The following ZBTB20 variants were observed in gnomAD, a reference collection of about 807,000 sequenced individuals.
ZBTB20 encodes the protein zinc finger and BTB domain-containing protein 20.
ZBTB20 carries 9 observed loss-of-function variants against 56.9 expected under a neutral mutation model. The observed-to-expected ratio is 0.16, with a 90% CI of 0.10 to 0.28. The LOEUF (loss-of-function observed/expected upper bound fraction) is 0.28, where lower values mean the gene tolerates loss of function less well. Among genes scored for constraint, ZBTB20 ranks in the 10% least tolerant of loss-of-function variants. The pLI, the probability that ZBTB20 is intolerant of heterozygous loss-of-function variation, is 1.00. For synonymous variants in ZBTB20, 417 were observed against 420.7 expected (o/e 0.99, Z 0.11); for missense variants, 655 against 1,003.0 (o/e 0.65, Z 4.69).
intron 10 of ZBTB20, among the ~76,000 whole-genome samples, chr3:114,365,003 C>G (rs1006205397): frequency 7.2e-5 from 11 of 152,180 alleles, no homozygotes; most frequent in Non-Finnish European, 1.3e-4. Context: ...CTAAGACACA[C>G]TGGTGTTTTG....
At chr3:114,438,369 C>T (rs1221790858) in intron 7 of ZBTB20, among the ~76,000 whole-genome samples, 1 of 150,570 alleles carries the variant, frequency 6.6e-6, no homozygotes, top group African/African-American at 2.4e-5. Flanking sequence ...AGGCCAAAGC[C>T]CTCACTACTA....
intron 5 of ZBTB20, among the ~76,000 whole-genome samples, chr3:114,799,841 T>C (rs994004061): frequency 1.3e-5 from 2 of 151,902 alleles, no homozygotes; most frequent in Non-Finnish European, 2.9e-5. Flanking sequence ...CCGTGCATCA[T>C]CGCTTAACAA....
intron 2 of ZBTB20, among the ~76,000 whole-genome samples, chr3:115,043,486 T>C (rs1353453912): frequency 6.6e-6 from 1 of 151,536 alleles, no homozygotes; most frequent in Non-Finnish European, 1.5e-5. Context: ...AGAGACTCGC[T>C]TGAAACCAGG....
At chr3:114,543,084 G>A (rs1378683402) in intron 6 of ZBTB20, among the ~76,000 whole-genome samples, 1 of 151,934 alleles carries the variant, frequency 6.6e-6, no homozygotes, top group Non-Finnish European at 1.5e-5. Context: ...ACTAAGACTT[G>A]CAGATGCTCA....
chr3:114,809,984 T>C lies in ZBTB20; in HGVS notation c.-416-8810A>G, dbSNP rs188431408. 3.4e-3 allele frequency among the ~76,000 whole-genome samples: 516 copies of C among 152,320 alleles called. 2 individuals carry two copies. Among genetic ancestry groups the C allele is most frequent in the African/African-American group, 0.012 (492 of 41,568 alleles). ...CCATTTTCGTTTTTGAGCTGGGACT[T>C]TCCCCTGTGTTAACACAGTTTAGTG... On this transcript the variant is annotated intron_variant, in intron 4 of 11. Transcript: ENST00000675478.
chr3:115,068,459 G>A (rs1354122800), intron 2 of ZBTB20, among the ~76,000 whole-genome samples: 1 of 152,096 alleles, frequency 6.6e-6, no homozygotes, highest in Non-Finnish European at 1.5e-5. Context: ...GCAAAAGGCT[G>A]AGGACAGTTG....
At chr3:114,760,859 A>G (rs78504883) in intron 5 of ZBTB20, among the ~76,000 whole-genome samples, 1 of 152,138 alleles carries the variant, frequency 6.6e-6, no homozygotes, top group African/African-American at 2.4e-5. Context: ...ACCATAAGAT[A>G]AATCATATTT....
chr3:114,456,175 C>G (rs545185047), intron 7 of ZBTB20, among the ~76,000 whole-genome samples: 2 of 151,022 alleles, frequency 1.3e-5, no homozygotes, highest in Non-Finnish European at 2.9e-5. Flanking sequence ...TACATTTCCA[C>G]TTTATATATA....
chr3:114,386,910 AT>A (rs938743116), intron 8 of ZBTB20, among the ~76,000 whole-genome samples: 1 of 152,198 alleles, frequency 6.6e-6, no homozygotes, highest in Non-Finnish European at 1.5e-5. Context: ...TCGAATTGCC[AT>A]TCACAGAGCA....
intron 6 of ZBTB20, among the ~76,000 whole-genome samples, chr3:114,684,921 C>G (rs1419700596): frequency 6.6e-6 from 1 of 152,094 alleles, no homozygotes; most frequent in Admixed American, 6.6e-5. Context: ...CATTTAGGCT[C>G]TATCAGTGAG....
intron 8 of ZBTB20, among the ~76,000 whole-genome samples, chr3:114,386,085 G>A (rs1018281271): frequency 1.3e-5 from 2 of 152,150 alleles, no homozygotes; most frequent in Admixed American, 6.5e-5. Flanking sequence ...GAAGCTGAGG[G>A]TTGAGCAAGC....
chr3:114,732,436 A>C (rs1336119082), intron 5 of ZBTB20, among the ~76,000 whole-genome samples: 5 of 152,152 alleles, frequency 3.3e-5, no homozygotes, highest in African/African-American at 1.2e-4. Flanking sequence ...GAAGATTTAT[A>C]CAAAGTGTTG....
chr3:114,710,813 C>T (rs2064024146), intron 5 of ZBTB20, among the ~76,000 whole-genome samples: 1 of 152,142 alleles, frequency 6.6e-6, no homozygotes, highest in Non-Finnish European at 1.5e-5. Context: ...TGAGATCATA[C>T]ATGCTTAAAA....
chr3:114,669,358 TA>T (rs2061235357), intron 6 of ZBTB20, among the ~76,000 whole-genome samples: 1 of 152,032 alleles, frequency 6.6e-6, no homozygotes. Context: ...GTCTAACAGT[TA>T]AAGAAGACAC....
chr3:114,615,630 C>T (rs73224527), intron 6 of ZBTB20, among the ~76,000 whole-genome samples: 206 of 152,250 alleles, frequency 1.4e-3, no homozygotes, highest in Middle Eastern at 3.4e-3. Context: ...ATCATTTGAT[C>T]GTCAATGAAT....
At position 114,848,386 on chromosome 3, in the gene ZBTB20, ACT is replaced by A. The variant is rs1579142868; in HGVS notation, c.-416-47214_-416-47213del. 2.6e-5 allele frequency among the ~76,000 whole-genome samples: 4 copies of A among 152,266 alleles called. No individual in the cohort carries two copies. The South Asian group carries it at 8.3e-4, about 32-fold the overall frequency. On this transcript the variant is annotated intron_variant, in intron 4 of 11. Transcript: ENST00000675478. ...TAGAGGCCTGGCACCGCTATAGAGCACTCTCTGTTTCAGTGCAAGTCAGCCTG... is the reference window on the plus strand; with the variant it reads ...TAGAGGCCTGGCACCGCTATAGAGCACTCTGTTTCAGTGCAAGTCAGCCTG...
At chr3:114,843,672 C>CAT (rs562855607) in intron 4 of ZBTB20, among the ~76,000 whole-genome samples, 2 of 150,612 alleles carry the variant, frequency 1.3e-5, no homozygotes, top group Non-Finnish European at 3.0e-5. Flanking sequence ...GCCAGCCAAG[C>CAT]ATATATATAT....
chr3:114,461,225 A>C (rs2109130809), intron 7 of ZBTB20, among the ~76,000 whole-genome samples: 1 of 151,140 alleles, frequency 6.6e-6, no homozygotes, highest in East Asian at 2.0e-4. Context: ...TTTTTTTCTG[A>C]GCTTTCTTAA....
intron 4 of ZBTB20, among the ~76,000 whole-genome samples, chr3:114,863,381 A>G (rs1339130721): frequency 6.6e-6 from 1 of 152,124 alleles, no homozygotes; most frequent in African/African-American, 2.4e-5. Context: ...GGGCTTCTTC[A>G]AATTGGAACC....
Sources: gnomAD v4.1 joint callset for allele counts (sites outside exome capture counted in the v4.1 genomes callset) on GRCh38, gnomAD v4.1.1 for gene constraint, MANE v1.5 for transcripts, NCBI Gene and HGNC (gene_info 2026-07-23, HGNC 2026-07-21) for gene names.